PLEKHH2: variants seen among roughly 807,000 people sequenced by gnomAD.
PLEKHH2 encodes the protein pleckstrin homology domain-containing family H member 2.
In PLEKHH2, 129 loss-of-function variants were observed where a neutral mutation model predicts 187.9. The observed-to-expected ratio is 0.69, with a 90% CI of 0.59 to 0.79. The LOEUF (loss-of-function observed/expected upper bound fraction) is 0.79, where lower values mean the gene tolerates loss of function less well. PLEKHH2 is among the 30% of genes least tolerant of loss of function. The probability of loss-of-function intolerance (pLI) is 0.00; values close to 1 mark genes in which losing one functional copy is unlikely to be tolerated. For missense variants in PLEKHH2, 2,076 were observed against 1,751.2 expected, an observed-to-expected ratio of 1.19 and a Z score of -3.31; for synonymous variants, 686 against 605.6, an observed-to-expected ratio of 1.13 and a Z score of -1.95.
At chr2:43,710,665 A>G (rs1669919708) in intron 14 of PLEKHH2, 90 bp downstream of exon 14, 1 of 1,495,120 alleles carries the variant, frequency 6.7e-7, no homozygotes, top group Admixed American at 2.6e-5. Context: ...AGATAGGATA[A>G]TTCAGTGTTT....
chr2:43,725,848 C>T (rs1008602787), intron 16 of PLEKHH2, among the ~76,000 whole-genome samples: 28 of 152,092 alleles, frequency 1.8e-4, no homozygotes, highest in African/African-American at 6.0e-4. Context: ...CGGTGGCTCA[C>T]GCTTGTGATC....
chr2:43,720,891 G>A (rs1249852037), intron 16 of PLEKHH2, 142 bp downstream of exon 16: 17 of 1,290,408 alleles, frequency 1.3e-5, no homozygotes, highest in Admixed American at 3.1e-5. Context: ...GTGCAACTGA[G>A]AAAATCACAC....
intron 2 of PLEKHH2, among the ~76,000 whole-genome samples, chr2:43,646,467 T>A (rs1019661228): frequency 2.6e-5 from 4 of 152,154 alleles, no homozygotes; most frequent in African/African-American, 9.7e-5. Flanking sequence ...CTCTCAAAAT[T>A]TTCCTGCTTT....
rs781572869 is a variant in PLEKHH2, at chr2:43,710,329, C to T, written c.2213C>T (p.Pro738Leu). 3.0e-5 allele frequency: 48 copies of T among 1,612,400 alleles called. No individual in the cohort carries two copies. Among genetic ancestry groups the T allele is most frequent in the Non-Finnish European group, 4.0e-5 (47 of 1,178,678 alleles). ...GGTGAATTACTTTACTACAAATCTC[C>T]GGTGAGTGGAAAGTGTTTTCTGTTT... ...KGGELLYYKS[P>L]SDVIRKPQGH... The change falls in exon 13 of 30, where the codon CCG (proline) becomes CTG (leucine). Residue 738 changes from proline to leucine, a missense_variant and splice_region_variant. Transcript: ENST00000282406.
At chr2:43,709,932 G>A in intron 11 of PLEKHH2, 58 bp from the exon 12 acceptor site, 2 of 1,479,738 alleles carry the variant, frequency 1.4e-6, no homozygotes, top group Non-Finnish European at 1.8e-6. Flanking sequence ...ACTCAGAGCT[G>A]GTGTTTGGCC....
At chr2:43,743,060 C>T (rs1671641812) in intron 22 of PLEKHH2, 142 bp downstream of exon 22, 2 of 608,730 alleles carry the variant, frequency 3.3e-6, no homozygotes, top group Admixed American at 8.3e-5. Flanking sequence ...ATCAGAACAG[C>T]TGAGTTTTGA....
At chr2:43,719,715 G>A (rs928082569) in intron 15 of PLEKHH2, among the ~76,000 whole-genome samples, 2 of 152,208 alleles carry the variant, frequency 1.3e-5, no homozygotes, top group African/African-American at 4.8e-5. Flanking sequence ...TGGGATTACA[G>A]GCGTGAGCCA....
rs536195295 is a variant in PLEKHH2, at chr2:43,652,114, G to A, written c.123+7318G>A. On this transcript the variant is annotated intron_variant, in intron 2 of 29. Coordinates refer to ENST00000282406, the MANE Select transcript of PLEKHH2 (RefSeq NM_172069.4). The stretch of plus-strand genomic sequence containing the variant: ...GGGCGGTGAGGTCATAGATGCCATA[G>A]CTGTTGGACTAGTGCACTCCAATTC... Among the ~76,000 whole-genome samples the A allele has an allele frequency of 1.1e-4, 16 of 152,336 alleles. No homozygotes were observed. The South Asian group carries it at 3.3e-3, about 32-fold the overall frequency.
intron 19 of PLEKHH2, 61 bp from the exon 20 acceptor site, chr2:43,738,280 T>C (rs928581363): frequency 7.5e-7 from 1 of 1,342,056 alleles, no homozygotes; most frequent in Non-Finnish European, 1.0e-6. Flanking sequence ...TTCGATATAA[T>C]TCATGCAGAA....
chr2:43,703,380 G>T (rs1669485126), intron 8 of PLEKHH2, among the ~76,000 whole-genome samples: 1 of 152,150 alleles, frequency 6.6e-6, no homozygotes, highest in Non-Finnish European at 1.5e-5. Context: ...AAATTCCATT[G>T]CAATTCTCAT....
At chr2:43,659,065 T>G (rs572855630) in intron 2 of PLEKHH2, among the ~76,000 whole-genome samples, 2 of 150,152 alleles carry the variant, frequency 1.3e-5, no homozygotes, top group South Asian at 2.1e-4. Context: ...CTTGACCTCC[T>G]GGGCTGAAGC....
At chr2:43,730,492 G>A (rs934970797) in intron 18 of PLEKHH2, among the ~76,000 whole-genome samples, 1 of 152,182 alleles carries the variant, frequency 6.6e-6, no homozygotes, top group African/African-American at 2.4e-5. Flanking sequence ...TCTGCCTCCT[G>A]GGCTCAAGCA....
Position 43,695,858 on chromosome 2 carries a change from A to G in PLEKHH2, c.502+634A>G, listed in dbSNP as rs192972706. Among the ~76,000 whole-genome samples, 5 of 152,312 alleles carry G rather than the reference A, an allele frequency of 3.3e-5. No homozygotes were observed. In the East Asian group the frequency reaches 9.7e-4, roughly 29 times the overall value. The stretch of plus-strand genomic sequence containing the variant: ...TACCATACATTTGTAGCTGCATTGA[A>G]CACTTTGGAGGAGGTTTCTTGGCAT... On this transcript the variant is annotated intron_variant, in intron 6 of 29. Transcript: ENST00000282406.
At chr2:43,693,723 C>CAAACAAAAAAA (rs1668948188) in intron 4 of PLEKHH2, among the ~76,000 whole-genome samples, 1 of 69,708 alleles carries the variant, frequency 1.4e-5, no homozygotes, top group African/African-American at 6.6e-5. Flanking sequence ...GACTCCATCT[C>CAAACAAAAAAA]AAAAAAAAAA....
chr2:43,740,452 A>G (rs531732745), intron 20 of PLEKHH2, among the ~76,000 whole-genome samples: 1 of 152,324 alleles, frequency 6.6e-6, no homozygotes, highest in South Asian at 2.1e-4. Context: ...AATAAAAATC[A>G]CATATATTGC....
At chr2:43,754,165 T>TACACACACACACAAACAC (rs761807782) in intron 25 of PLEKHH2, among the ~76,000 whole-genome samples, 12 of 118,016 alleles carry the variant, frequency 1.0e-4, no homozygotes, top group Non-Finnish European at 1.4e-4. Context: ...TTCAATCTTC[T>TACACACACACACAAACAC]ACACACACAC....
At chr2:43,694,792 A>G (rs948175021) in intron 5 of PLEKHH2, among the ~76,000 whole-genome samples, 15 of 152,194 alleles carry the variant, frequency 9.9e-5, no homozygotes, top group Non-Finnish European at 1.8e-4. Flanking sequence ...TAGGACATAC[A>G]TCTATATCTC....
intron 3 of PLEKHH2, among the ~76,000 whole-genome samples, chr2:43,686,183 C>T (rs1668496120): frequency 6.6e-6 from 1 of 151,472 alleles, no homozygotes; most frequent in African/African-American, 2.4e-5. Context: ...TCTTCCTCTT[C>T]TTCTTCTTCT....
intron 28 of PLEKHH2, among the ~76,000 whole-genome samples, chr2:43,763,999 G>A (rs1425397664): frequency 6.6e-6 from 1 of 151,716 alleles, no homozygotes; most frequent in Non-Finnish European, 1.5e-5. Context: ...TCATTTTTCT[G>A]CAGTGACTTG....
Sources: gnomAD v4.1 joint callset for allele counts (sites outside exome capture counted in the v4.1 genomes callset) on GRCh38, gnomAD v4.1.1 for gene constraint, MANE v1.5 for transcripts, NCBI Gene and HGNC (gene_info 2026-07-23, HGNC 2026-07-21) for gene names.